Variants in PGAP6 observed in about 807,000 individuals in gnomAD.
PGAP6 encodes post-GPI attachment to proteins 6.
PGAP6 carries 62 observed loss-of-function variants against 68.4 expected under a neutral mutation model. That is an observed-to-expected ratio of 0.91 (90% CI 0.74 to 1.12). The LOEUF (loss-of-function observed/expected upper bound fraction) is 1.12, where lower values mean the gene tolerates loss of function less well. Among genes scored for constraint, PGAP6 ranks in the 50% most tolerant of loss-of-function variants. PGAP6 has a pLI of 0.00. For missense variants in PGAP6, 1,188 were observed against 1,068.5 expected, an observed-to-expected ratio of 1.11 and a Z score of -1.56; for synonymous variants, 575 against 474.0, an observed-to-expected ratio of 1.21 and a Z score of -2.77.
upstream of PGAP6, among the ~76,000 whole-genome samples, chr16:385,198 A>G (rs552436668): frequency 2.6e-5 from 4 of 152,086 alleles, no homozygotes; most frequent in African/African-American, 9.6e-5. Flanking sequence ...GAGAACACTA[A>G]GGCCTAGAGA....
Position 381,702 on chromosome 16 carries a change from G to A in PGAP6, c.120C>T (p.Ser40=), listed in dbSNP as rs558254743. The A allele has an allele frequency of 2.9e-3, 3,555 of 1,205,888 alleles. 87 individuals carry two copies. In the African/African-American group the frequency reaches 0.051, roughly 17 times the overall value. 74.7% of individuals were successfully genotyped at this position (1,205,888 alleles called of 1,614,324 possible). ...ATGGCGCCCGCGCCTCCCGCTCACCGCTCTTCCCGCTGTAGCCGGCGGAGG... is the reference window on the plus strand; with the variant it reads ...ATGGCGCCCGCGCCTCCCGCTCACCACTCTTCCCGCTGTAGCCGGCGGAGG... The part of the protein sequence containing the change: ...PPASAGYSGK[S]EVGLVSEHFS... Residue 40 remains serine (S), a splice_region_variant and synonymous_variant, in exon 1 of 13, where the codon AGC becomes AGT. Transcript: ENST00000431232.
chr16:376,304 T>G lies in PGAP6; in HGVS notation c.1056A>C (p.Thr352=). 6.2e-7 allele frequency: 1 copy of G among 1,612,016 alleles called. No individual in the cohort carries two copies. The highest frequency in any genetic ancestry group is 8.5e-7 in the Non-Finnish European group (1 of 1,179,852). Reference sequence around the variant, plus strand: ...TGTCCTCCCGCGTGACTGGGTAGTTTGTGAGGCAGAAGGGGCTGCGGTCCA... The same window carrying G: ...TGTCCTCCCGCGTGACTGGGTAGTTGGTGAGGCAGAAGGGGCTGCGGTCCA... ...GRVDRSPFCL[T]NYPVTREDMD... The change falls in exon 6 of 13, where the codon ACA becomes ACC. Residue 352 remains threonine, a synonymous_variant. Transcript: ENST00000431232.
Position 375,427 on chromosome 16 carries a change from C to T in PGAP6, c.1233G>A (p.Met411Ile). The change falls in exon 7 of 13, where the codon ATG (methionine) becomes ATA (isoleucine). Residue 411 changes from methionine to isoleucine, a missense_variant. Physicochemically the swap from Met to Ile is conservative, Grantham distance 10. Transcript: ENST00000431232. ...AGGCCACTACGACGGTCTCGTTCCGCATCTCTGTCTGGAAAGGGAGGCGGT... is the reference window on the plus strand; with the variant it reads ...AGGCCACTACGACGGTCTCGTTCCGTATCTCTGTCTGGAAAGGGAGGCGGT... ...TISLRANKTE[M>I]RNETVVVACV... 1 of 1,612,266 alleles carries T rather than the reference C, an allele frequency of 6.2e-7. No homozygotes were observed.
upstream of PGAP6, among the ~76,000 whole-genome samples, chr16:385,727 C>T (rs1309215922): frequency 2.0e-5 from 3 of 149,842 alleles, no homozygotes; most frequent in Non-Finnish European, 4.4e-5. Context: ...CAGGTTCACG[C>T]CATTCTCCTG....
chr16:379,588 G>A (rs544078160), intron 1 of PGAP6, among the ~76,000 whole-genome samples: 266 of 152,360 alleles, frequency 1.7e-3, no homozygotes, highest in African/African-American at 6.2e-3. Flanking sequence ...AGGCAGGGGA[G>A]GCCACCTGCA....
At chr16:381,259 C>G (rs866927565) in intron 1 of PGAP6, among the ~76,000 whole-genome samples, 1 of 152,228 alleles carries the variant, frequency 6.6e-6, no homozygotes, top group Non-Finnish European at 1.5e-5. Context: ...CCATGACGCC[C>G]ACGGGCCCCC....
intron 1 of PGAP6, among the ~76,000 whole-genome samples, chr16:381,442 G>A (rs982356475): frequency 2.0e-5 from 3 of 152,122 alleles, no homozygotes; most frequent in Non-Finnish European, 4.4e-5. Flanking sequence ...GAGGAGGAGG[G>A]AGGGGAGGGG....
Position 375,271 on chromosome 16 carries a change from G to C in PGAP6, c.1316-15C>G, listed in dbSNP as rs374429428. 3.1e-6 allele frequency: 5 copies of C among 1,612,754 alleles called. No individual in the cohort carries two copies. The highest frequency in any genetic ancestry group is 1.7e-5 in the Admixed American group (1 of 60,004). On this transcript the variant is annotated splice_polypyrimidine_tract_variant and intron_variant, in intron 7 of 12. Transcript: ENST00000431232. ...CTGGAAGAAGGCTGCAGGGGAGCCA[G>C]AGGGCCCCATCAGAGGAGGCCGGGG...
intron 9 of PGAP6, 72 bp downstream of exon 9, chr16:374,684 G>A: frequency 1.3e-6 from 2 of 1,585,218 alleles, no homozygotes; most frequent in Non-Finnish European, 1.7e-6. Context: ...GCTCCCCCAG[G>A]GGAAAGGCAC....
chr16:371,950 A>C lies in PGAP6; in HGVS notation c.*37T>G. The C allele has an allele frequency of 6.3e-7, 1 of 1,590,248 alleles. No homozygotes were observed. On this transcript the variant is annotated 3_prime_UTR_variant, in exon 13 of 13. Transcript: ENST00000431232. ...CCCCCTCGATACAGCTCCTGGCTGA[A>C]GAGGTCATCAGAGCAGCAGCTGTCC...
At chr16:385,467 A>C (rs2054475466), upstream of PGAP6, among the ~76,000 whole-genome samples, 1 of 147,422 alleles carries the variant, frequency 6.8e-6, no homozygotes, top group South Asian at 2.1e-4. Flanking sequence ...GCCCGCTACC[A>C]TTCCTGGCTA....
chr16:375,888 C>T (rs2054377820), intron 6 of PGAP6, among the ~76,000 whole-genome samples: 1 of 152,002 alleles, frequency 6.6e-6, no homozygotes, highest in South Asian at 2.1e-4. Flanking sequence ...GACCTTCCTC[C>T]CCGGGCCCTG....
chr16:381,654 G>A, intron 1 of PGAP6, 47 bp downstream of exon 1: 3 of 1,018,176 alleles, frequency 2.9e-6, no homozygotes, highest in East Asian at 4.0e-5. Flanking sequence ...CGCCCCGCCC[G>A]CAGCCCCGGC....
rs775293804 is a variant in PGAP6, at chr16:374,051, C to A, written c.1856G>T (p.Trp619Leu). ...CCGTGCCATGCACAGGATGGTGACC[C>A]AGATGGCCGCCCCGGAGCCCAAGAA... ...CDFLGSGAAIWVTILCMARLK... is the reference protein window; with the variant it reads ...CDFLGSGAAILVTILCMARLK... The change falls in exon 11 of 13, where the codon TGG becomes TTG. Residue 619 changes from tryptophan (W) to leucine (L), a missense_variant. Physicochemically the swap from Trp to Leu is moderately conservative, Grantham distance 61. Transcript: ENST00000431232. 1 of 1,611,894 alleles carries A rather than the reference C, an allele frequency of 6.2e-7. No individual in the cohort carries two copies. The highest frequency in any genetic ancestry group is 1.7e-5 in the Admixed American group (1 of 59,996).
intron 6 of PGAP6, 46 bp downstream of exon 6, chr16:376,090 G>A (rs375912753): frequency 1.2e-5 from 18 of 1,540,240 alleles, no homozygotes; most frequent in Admixed American, 9.4e-5. Context: ...GTTGCCCGGC[G>A]CCCTGCCCGA....
chr16:384,606 A>G (rs2141770974), upstream of PGAP6, among the ~76,000 whole-genome samples: 1 of 152,340 alleles, frequency 6.6e-6, no homozygotes, highest in Admixed American at 6.5e-5. Context: ...CTGTAATCCC[A>G]GTACTTTGGG....
upstream of PGAP6, among the ~76,000 whole-genome samples, chr16:385,586 C>T (rs1179954601): frequency 2.0e-5 from 3 of 146,366 alleles, no homozygotes; most frequent in Admixed American, 6.9e-5. Flanking sequence ...GCTGGGATTA[C>T]AGGCATGAGC....
At chr16:381,215 A>G (rs1476691981) in intron 1 of PGAP6, among the ~76,000 whole-genome samples, 2 of 151,882 alleles carry the variant, frequency 1.3e-5, no homozygotes, top group African/African-American at 4.8e-5. Context: ...AAGCGGCCGT[A>G]CCAGGGCTGG....
At chr16:385,603 G>A (rs142828882), upstream of PGAP6, among the ~76,000 whole-genome samples, 2,483 of 140,288 alleles carry the variant, frequency 0.018, 145 homozygotes, top group African/African-American at 0.06. Flanking sequence ...GAGCCACAGC[G>A]CCCGGCCTAC....
Sources: allele counts gnomAD v4.1 joint callset (sites outside exome capture counted in the v4.1 genomes callset), GRCh38; gene constraint gnomAD v4.1.1; transcripts MANE v1.5; gene names NCBI Gene and HGNC (gene_info 2026-07-23, HGNC 2026-07-21).